COP1: variants seen among roughly 807,000 people sequenced by gnomAD.
COP1 encodes the protein COP1 E3 ubiquitin ligase.
Under a neutral mutation model 101.3 loss-of-function variants are expected in COP1, and 24 were observed. That is an observed-to-expected ratio of 0.24 (90% confidence interval 0.17 to 0.33). COP1 has a LOEUF of 0.33. COP1 is among the 10% of genes least tolerant of loss of function. The probability of loss-of-function intolerance (pLI) is 1.00; values close to 1 mark genes in which losing one functional copy is unlikely to be tolerated. For missense variants in COP1, 663 were observed against 906.2 expected (o/e 0.73, Z 3.45); for synonymous variants, 347 against 341.9 (o/e 1.01, Z -0.17).
intron 11 of COP1, among the ~76,000 whole-genome samples, chr1:176,066,977 A>C (rs1676101571): frequency 6.6e-6 from 1 of 152,210 alleles, no homozygotes; most frequent in African/African-American, 2.4e-5. Flanking sequence ...GTACACATGC[A>C]ACCCACTCAT....
At chr1:175,951,439 T>A (rs1309392180) in intron 18 of COP1, among the ~76,000 whole-genome samples, 3 of 106,608 alleles carry the variant, frequency 2.8e-5, no homozygotes, top group Admixed American at 9.1e-5. Context: ...GATACGTGAA[T>A]ATATATATAT....
intron 9 of COP1, among the ~76,000 whole-genome samples, chr1:176,109,130 T>C (rs1232749525): frequency 6.6e-6 from 1 of 151,992 alleles, no homozygotes; most frequent in Non-Finnish European, 1.5e-5. Flanking sequence ...ATAAAATAAA[T>C]AAAATTATCA....
chr1:176,172,820 A>G (rs1157342309), intron 3 of COP1, among the ~76,000 whole-genome samples: 1 of 152,250 alleles, frequency 6.6e-6, no homozygotes, highest in East Asian at 1.9e-4. Context: ...CTGAGCCAAC[A>G]GGAGACAGTC....
At chr1:176,047,782 A>G (rs1671762130) in intron 11 of COP1, among the ~76,000 whole-genome samples, 1 of 152,204 alleles carries the variant, frequency 6.6e-6, no homozygotes, top group Admixed American at 6.5e-5. Context: ...AGACACATTA[A>G]GAATATTTCA....
chr1:176,081,383 T>C, intron 10 of COP1, 96 bp from the exon 11 acceptor site: 2 of 954,770 alleles, frequency 2.1e-6, no homozygotes, highest in South Asian at 2.3e-5. Context: ...ATATTCTAAA[T>C]ACAAAAAACA....
chr1:175,989,550 T>A, intron 15 of COP1, 71 bp from the exon 16 acceptor site: 1 of 880,892 alleles, frequency 1.1e-6, no homozygotes, highest in South Asian at 1.4e-5. Flanking sequence ...TTAACTGGTT[T>A]TTGGTTTTTT....
intron 4 of COP1, 43 bp from the exon 5 acceptor site, chr1:176,163,031 A>C: frequency 6.3e-7 from 1 of 1,577,268 alleles, no homozygotes; most frequent in Non-Finnish European, 8.6e-7. Flanking sequence ...TCCTATGAAG[A>C]CTGTTTTAGA....
chr1:176,056,480 T>C (rs1673510434), intron 11 of COP1, among the ~76,000 whole-genome samples: 1 of 152,154 alleles, frequency 6.6e-6, no homozygotes, highest in African/African-American at 2.4e-5. Flanking sequence ...TAAACTTCAG[T>C]GCAGACTGAA....
intron 3 of COP1, among the ~76,000 whole-genome samples, chr1:176,171,585 G>A (rs968481478): frequency 6.6e-6 from 1 of 152,170 alleles, no homozygotes; most frequent in Non-Finnish European, 1.5e-5. Context: ...AAAGATCTCA[G>A]TGACATTCTT....
intron 1 of COP1, among the ~76,000 whole-genome samples, chr1:176,188,834 T>TACACAC (rs10637320): frequency 0.035 from 5,178 of 148,452 alleles, 162 homozygotes; most frequent in African/African-American, 0.089. Flanking sequence ...AACACATAGA[T>TACACAC]ACACACACAC....
At chr1:176,191,603 T>C (rs1699120266) in intron 1 of COP1, among the ~76,000 whole-genome samples, 1 of 151,872 alleles carries the variant, frequency 6.6e-6, no homozygotes, top group Admixed American at 6.6e-5. Flanking sequence ...AAAAAAATAA[T>C]AAACCTCAAA....
intron 11 of COP1, among the ~76,000 whole-genome samples, chr1:176,080,410 ATAAT>A (rs1161742921): frequency 7.2e-5 from 11 of 152,300 alleles, no homozygotes; most frequent in African/African-American, 2.4e-4. Flanking sequence ...AAGAATAAAA[ATAAT>A]TAAGAGCAAA....
intron 15 of COP1, among the ~76,000 whole-genome samples, chr1:175,992,359 A>G (rs538212666): frequency 6.6e-6 from 1 of 152,230 alleles, no homozygotes; most frequent in South Asian, 2.1e-4. Context: ...CTGAGGTACC[A>G]GGTTCATCTC....
intron 15 of COP1, among the ~76,000 whole-genome samples, chr1:176,024,403 G>T (rs1667323834): frequency 6.6e-6 from 1 of 151,950 alleles, no homozygotes; most frequent in Non-Finnish European, 1.5e-5. Flanking sequence ...AACCTCAACA[G>T]AGGCAAAAAA....
At chr1:176,148,944 C>A in intron 6 of COP1, 62 bp downstream of exon 6, 1 of 1,096,184 alleles carries the variant, frequency 9.1e-7, no homozygotes, top group Non-Finnish European at 1.3e-6. Context: ...AATGCTTTTA[C>A]AAAATGGGAA....
intron 3 of COP1, among the ~76,000 whole-genome samples, chr1:176,166,670 C>T (rs1261505779): frequency 6.6e-6 from 1 of 152,198 alleles, no homozygotes; most frequent in African/African-American, 2.4e-5. Context: ...GGCACAGTGG[C>T]TCATGCCTAT....
chr1:176,140,563 A>T (rs1462000177), intron 6 of COP1, among the ~76,000 whole-genome samples: 3 of 152,174 alleles, frequency 2.0e-5, no homozygotes, highest in Non-Finnish European at 2.9e-5. Flanking sequence ...TAAATAGAAA[A>T]ATGATGAAGG....
chr1:176,193,899 C>T (rs976383194), intron 1 of COP1, among the ~76,000 whole-genome samples: 1 of 152,086 alleles, frequency 6.6e-6, no homozygotes, highest in African/African-American at 2.4e-5. Flanking sequence ...GCCAACTGTA[C>T]TAAAAACACA....
At chr1:176,148,914 A>T in intron 6 of COP1, 92 bp downstream of exon 6, 1 of 795,270 alleles carries the variant, frequency 1.3e-6, no homozygotes, top group Non-Finnish European at 2.0e-6. Context: ...AAAAATATTT[A>T]AAGAAATTTT....
Sources: allele counts gnomAD v4.1 joint callset (sites outside exome capture counted in the v4.1 genomes callset), GRCh38; gene constraint gnomAD v4.1.1; transcripts MANE v1.5; gene names NCBI Gene and HGNC (gene_info 2026-07-23, HGNC 2026-07-21).